The following SCO1 variants were observed in gnomAD, a reference collection of about 807,000 sequenced individuals.
The protein encoded by SCO1 is synthesis of cytochrome C oxidase 1.
Under a neutral mutation model 34.0 loss-of-function variants are expected in SCO1, and 23 were observed. The observed-to-expected ratio is 0.68, with a 90% confidence interval of 0.49 to 0.96. The LOEUF (loss-of-function observed/expected upper bound fraction) is 0.96, where lower values mean the gene tolerates loss of function less well. Ranked by LOEUF, SCO1 falls within the 40% of genes least tolerant of loss-of-function variation. The pLI, the probability that SCO1 is intolerant of heterozygous loss-of-function variation, is 0.00. For synonymous variants in SCO1, 161 were observed against 145.5 expected (o/e 1.11, Z -0.77); for missense variants, 404 against 381.6 (o/e 1.06, Z -0.49).
chr17:10,695,597 G>A (rs1319578627), intron 2 of SCO1, 144 bp downstream of exon 2: 4 of 619,544 alleles, frequency 6.5e-6, no homozygotes, highest in Non-Finnish European at 1.2e-5. Flanking sequence ...TGGGTGAAAG[G>A]TATGTAGAAC....
rs1199422592 is a variant in SCO1, at chr17:10,679,247, TA to T, written c.*1871del. On this transcript the variant is annotated 3_prime_UTR_variant, in exon 6 of 6. Transcript: ENST00000255390. ...ACAGGCATAAGCCACTGTGCCCAGC[TA>T]ATCTATTATTTTAAGAACACCAGTC... is the stretch of plus-strand genomic sequence containing the variant. 2.0e-5 allele frequency: 3 copies of T among 152,208 alleles called. No individual in the cohort carries two copies. Among genetic ancestry groups the T allele is most frequent in the African/African-American group, 7.2e-5 (3 of 41,522 alleles). The allele number at this position is 152,208 out of a possible 1,614,324, so 9.4% of individuals were successfully genotyped here.
chr17:10,681,351 G>A, intron 5 of SCO1, 98 bp from the exon 6 acceptor site: 1 of 1,272,510 alleles, frequency 7.9e-7, no homozygotes, highest in Non-Finnish European at 1.1e-6. Context: ...TTACATTAAT[G>A]CTTAAATAAC....
Position 10,672,929 on chromosome 17 carries a change from A to ATT in SCO1, c.*8189_*8190insAA, listed in dbSNP as rs1173690892. On this transcript the variant is annotated 3_prime_UTR_variant, in exon 6 of 6. Transcript: ENST00000255390. ...TGAGTAGATACATAAAACACTCAAA[A>ATT]GAGAGTTGAAGTTTAGGTGCACTAG... 1 of 152,192 alleles carries ATT rather than the reference A, an allele frequency of 6.6e-6. No homozygotes were observed. The highest frequency in any genetic ancestry group is 2.1e-4 in the South Asian group (1 of 4,832). 9.4% of individuals were successfully genotyped at this position (152,192 alleles called of 1,614,324 possible).
intron 2 of SCO1, among the ~76,000 whole-genome samples, chr17:10,695,162 G>A (rs1216803033): frequency 3.3e-5 from 5 of 152,174 alleles, no homozygotes; most frequent in Non-Finnish European, 7.4e-5. Flanking sequence ...AGGGCATGCA[G>A]TATCTACTCG....
In SCO1 at chr17:10,697,465, G is replaced by C; in HGVS notation, c.43C>G (p.Leu15Val). ...VLVPGRVMRP[L>V]GGQLWRFLPR... ...AAGAAGCGCCAAAGTTGGCCACCCA[G>C]AGGCCGCATAACTCGTCCGGGTACT... The change falls in exon 1 of 6, where the codon CTG becomes GTG. Residue 15 changes from leucine (L) to valine (V), a missense_variant. Transcript: ENST00000255390. 3 of 1,613,438 alleles carry C rather than the reference G, an allele frequency of 1.9e-6. No homozygotes were observed. The highest frequency in any genetic ancestry group is 2.2e-5 in the East Asian group (1 of 44,874).
At chr17:10,682,509 C>T (rs2074220097) in intron 5 of SCO1, among the ~76,000 whole-genome samples, 1 of 152,152 alleles carries the variant, frequency 6.6e-6, no homozygotes, top group African/African-American at 2.4e-5. Context: ...CTGTAGCTTA[C>T]ATCACTCTTT....
Position 10,697,217 on chromosome 17 carries a change from T to C in SCO1, c.273+18A>G. 1 of 1,529,822 alleles carries C rather than the reference T, an allele frequency of 6.5e-7. No individual in the cohort carries two copies. The highest frequency in any genetic ancestry group is 1.3e-5 in the South Asian group (1 of 79,658). The allele number at this position is 1,529,822 out of a possible 1,614,324, so 94.8% of individuals were successfully genotyped here. On this transcript the variant is annotated intron_variant, in intron 1 of 5. Coordinates refer to ENST00000255390, the MANE Select transcript of SCO1 (RefSeq NM_004589.4). ...ACAGCCGCGACGAGCACCAGAAGGG[T>C]TCCAGGTGTGCACTCACCCCGGGCT...
chr17:10,683,456 T>A (rs1026154690), intron 5 of SCO1, among the ~76,000 whole-genome samples: 1 of 152,144 alleles, frequency 6.6e-6, no homozygotes, highest in Non-Finnish European at 1.5e-5. Flanking sequence ...AGAAATACTG[T>A]TAAACTGCCC....
chr17:10,696,367 C>T (rs1309631850), intron 1 of SCO1, among the ~76,000 whole-genome samples: 1 of 152,092 alleles, frequency 6.6e-6, no homozygotes, highest in Non-Finnish European at 1.5e-5. Context: ...ATCGCTTGAA[C>T]CCGGGAGGCG....
chr17:10,685,425 G>A (rs993434332), intron 5 of SCO1, among the ~76,000 whole-genome samples: 6 of 152,204 alleles, frequency 3.9e-5, no homozygotes, highest in Non-Finnish European at 5.9e-5. Flanking sequence ...TAGTGGTGGT[G>A]CTAATGCCTT....
In SCO1 at chr17:10,674,449, A is replaced by G; in HGVS notation, c.*6670T>C. On this transcript the variant is annotated 3_prime_UTR_variant, in exon 6 of 6. Transcript: ENST00000255390. Reference sequence around the variant, plus strand: ...CTCAAAACAAACAAACAAACAAACAAAAAAACAGACTGTGATTGAGGAGAG... The same window carrying G: ...CTCAAAACAAACAAACAAACAAACAGAAAAACAGACTGTGATTGAGGAGAG... The G allele has an allele frequency of 3.5e-6, 1 of 289,056 alleles. No individual in the cohort carries two copies. The highest frequency in any genetic ancestry group is 6.8e-6 in the Non-Finnish European group (1 of 146,382). 17.9% of individuals were successfully genotyped at this position (289,056 alleles called of 1,614,324 possible). A position where few individuals can be genotyped will look rare whatever the true frequency, so the allele number is the denominator to read the frequency against.
chr17:10,695,546 A>C, intron 2 of SCO1, 195 bp downstream of exon 2: 1 of 535,758 alleles, frequency 1.9e-6, no homozygotes, highest in Non-Finnish European at 3.4e-6. Flanking sequence ...AGTCATGAAA[A>C]ATGTGTCATG....
intron 4 of SCO1, 73 bp downstream of exon 4, chr17:10,691,799 G>T: frequency 2.2e-6 from 2 of 923,754 alleles, no homozygotes; most frequent in Non-Finnish European, 3.5e-6. Flanking sequence ...ACAAGGCACT[G>T]TAAGGTTCAA....
In SCO1 at chr17:10,674,512, A is replaced by G; in HGVS notation, c.*6607T>C. ...CTGAGAAGCTGCATTTCTGCTAAGTACCCCAGTGGTGTGACACTGCCGGAC... is the reference window on the plus strand; with the variant it reads ...CTGAGAAGCTGCATTTCTGCTAAGTGCCCCAGTGGTGTGACACTGCCGGAC... On this transcript the variant is annotated 3_prime_UTR_variant, in exon 6 of 6. Transcript: ENST00000255390. The G allele has an allele frequency of 4.1e-6, 1 of 241,308 alleles. No individual in the cohort carries two copies. Among genetic ancestry groups the G allele is most frequent in the South Asian group, 4.3e-5 (1 of 23,342 alleles). The allele number at this position is 241,308 out of a possible 1,614,324, so 14.9% of individuals were successfully genotyped here. A position where few individuals can be genotyped will look rare whatever the true frequency, so the allele number is the denominator to read the frequency against.
intron 4 of SCO1, among the ~76,000 whole-genome samples, chr17:10,690,568 C>A (rs897805507): frequency 2.0e-5 from 3 of 152,280 alleles, no homozygotes; most frequent in Middle Eastern, 3.4e-3. Flanking sequence ...AACAAAGATA[C>A]CTCACACACA....
chr17:10,697,127 C>G (rs1291779962), intron 1 of SCO1, 108 bp downstream of exon 1: 4 of 1,122,420 alleles, frequency 3.6e-6, no homozygotes, highest in Admixed American at 5.8e-5. Context: ...CTAAGGACAA[C>G]TTTAGGGGAG....
In SCO1 at chr17:10,673,693, TTGAG is replaced by T. The variant is rs1275948377; in HGVS notation, c.*7422_*7425del. On this transcript the variant is annotated 3_prime_UTR_variant, in exon 6 of 6. Coordinates refer to ENST00000255390, the MANE Select transcript of SCO1 (RefSeq NM_004589.4). ...CAAATGATCCTCAATCAGGTTTCAA[TTGAG>T]TATTTGAGAATGCCTACATGGAAAG... is the stretch of plus-strand genomic sequence containing the variant. The T allele has an allele frequency of 2.0e-5, 3 of 152,214 alleles. No homozygotes were observed. Among genetic ancestry groups the T allele is most frequent in the African/African-American group, 7.2e-5 (3 of 41,454 alleles). 9.4% of individuals were successfully genotyped at this position (152,214 alleles called of 1,614,324 possible).
intron 3 of SCO1, 34 bp downstream of exon 3, chr17:10,692,730 A>G (rs761305930): frequency 8.3e-6 from 13 of 1,562,992 alleles, no homozygotes; most frequent in Non-Finnish European, 1.1e-5. Context: ...TGAAGTAAAC[A>G]TATACTTTGT....
Position 10,680,517 on chromosome 17 carries a change from GT to G in SCO1, c.*601del, listed in dbSNP as rs886052591. The G allele has an allele frequency of 1.5e-3, 235 of 156,972 alleles. 1 individual carries two copies. The highest frequency in any genetic ancestry group is 3.9e-3 in the African/African-American group (161 of 41,456). 9.7% of individuals were successfully genotyped at this position (156,972 alleles called of 1,614,324 possible). ...GAACCCCTAGAGAAATCAAACTGAT[GT>G]TTTTTTTCCCCCAAACAATAGATTT... On this transcript the variant is annotated 3_prime_UTR_variant, in exon 6 of 6. Coordinates refer to ENST00000255390, the MANE Select transcript of SCO1 (RefSeq NM_004589.4).
Sources: gnomAD v4.1 joint callset for allele counts (sites outside exome capture counted in the v4.1 genomes callset) on GRCh38, gnomAD v4.1.1 for gene constraint, MANE v1.5 for transcripts, NCBI Gene and HGNC (gene_info 2026-07-23, HGNC 2026-07-21) for gene names.